COL7A1: variants seen among roughly 807,000 people sequenced by gnomAD.
The protein encoded by COL7A1 is collagen type VII alpha 1 chain.
In COL7A1, 296 loss-of-function variants were observed where a neutral mutation model predicts 456.2. The observed-to-expected ratio is 0.65, with a 90% CI of 0.59 to 0.71. The LOEUF (loss-of-function observed/expected upper bound fraction) is 0.71. Among genes scored for constraint, COL7A1 ranks in the 30% least tolerant of loss-of-function variants. COL7A1 has a pLI of 0.00. For synonymous variants in COL7A1, 1,464 were observed against 1,525.9 expected, an observed-to-expected ratio of 0.96 and a Z score of 0.95; for missense variants, 3,441 against 4,017.2, an observed-to-expected ratio of 0.86 and a Z score of 3.88.
At position 48,587,003 on chromosome 3, in the gene COL7A1, G is replaced by A. The variant is rs1490154309; in HGVS notation, c.3245C>T (p.Ala1082Val). Residue 1082 changes from alanine to valine, a missense_variant, in exon 25 of 119, where the codon GCA (alanine) becomes GTA (valine). Ala to Val is a moderately conservative substitution (Grantham distance 64). Coordinates refer to ENST00000681320, the MANE Select transcript of COL7A1 (RefSeq NM_000094.4). The surrounding 1 kb of genome is among the most constrained non-coding windows in gnomAD (Gnocchi z 6.1). ...TGCCTGTGGCCCAAGAGGCCCAAGT[G>A]CCAACACCAGACGCTCCAGGACCCT... ...TRRVLERLVLALGPLGPQAVQ... is the reference protein window; with the variant it reads ...TRRVLERLVLVLGPLGPQAVQ... 2 of 1,600,440 alleles carry A rather than the reference G, an allele frequency of 1.2e-6. No homozygotes were observed. Among genetic ancestry groups the A allele is most frequent in the South Asian group, 1.1e-5 (1 of 88,646 alleles).
Position 48,568,691 on chromosome 3 carries a change from A to G in COL7A1, c.7758+93T>C. On this transcript the variant is annotated intron_variant, in intron 104 of 118. Coordinates refer to ENST00000681320, the MANE Select transcript of COL7A1 (RefSeq NM_000094.4). The surrounding 1 kb of genome is among the most constrained non-coding windows in gnomAD (Gnocchi z 5.2). ...ATGGGGCCGGCAGCAAGGGAGCCAGAACCCCCAGCACTTAAGAGGACCCCC... is the reference window on the plus strand; with the variant it reads ...ATGGGGCCGGCAGCAAGGGAGCCAGGACCCCCAGCACTTAAGAGGACCCCC... 6.7e-7 allele frequency: 1 copy of G among 1,486,918 alleles called. No homozygotes were observed. The highest frequency in any genetic ancestry group is 1.2e-5 in the South Asian group (1 of 82,878). The allele number at this position is 1,486,918 out of a possible 1,614,324, so 92.1% of individuals were successfully genotyped here.
chr3:48,593,145 C>G lies in COL7A1; in HGVS notation c.639G>C (p.Arg213=). Residue 213 remains arginine (R), a synonymous_variant, in exon 6 of 119, where the codon CGG becomes CGC. Transcript: ENST00000681320. The surrounding 1 kb of genome is among the most constrained non-coding windows in gnomAD (Gnocchi z 4.4). ...CGCCACCAGCAGTCGTGCACACTCT[C>G]CGGGAAACGAGGGGCAGTAGTGTCC... is the stretch of plus-strand genomic sequence containing the variant. The part of the protein sequence containing the change: ...ILRTLLPLVS[R]RVCTTAGGVP... 1 of 1,614,122 alleles carries G rather than the reference C, an allele frequency of 6.2e-7. No individual in the cohort carries two copies. Among genetic ancestry groups the G allele is most frequent in the East Asian group, 2.2e-5 (1 of 44,876 alleles).
In COL7A1 at chr3:48,586,995, G is replaced by C; in HGVS notation, c.3253C>G (p.Pro1085Ala). The C allele has an allele frequency of 6.3e-7, 1 of 1,598,834 alleles. No individual in the cohort carries two copies. Among genetic ancestry groups the C allele is most frequent in the Non-Finnish European group, 8.5e-7 (1 of 1,172,964 alleles). ...VLERLVLALG[P>A]LGPQAVQVGL... The stretch of plus-strand genomic sequence containing the variant: ...ACCTGAACTGCCTGTGGCCCAAGAG[G>C]CCCAAGTGCCAACACCAGACGCTCC... The change falls in exon 25 of 119, where the codon CCT becomes GCT. Residue 1085 changes from proline (P) to alanine (A), a missense_variant. Physicochemically the swap from Pro to Ala is conservative, Grantham distance 27 (BLOSUM62 -1). This residue lies in a region of COL7A1 where 444 missense variants were observed against 427.6 expected (regional missense o/e 1.04). Coordinates refer to ENST00000681320, the MANE Select transcript of COL7A1 (RefSeq NM_000094.4). This position sits in a 1 kb window ranked among gnomAD's most constrained non-coding sequence, Gnocchi z 5.1.
In COL7A1 at chr3:48,589,589, C is replaced by G. The variant is rs371117425; in HGVS notation, c.2170+10G>C. The G allele has an allele frequency of 5.5e-5, 89 of 1,613,484 alleles. No individual in the cohort carries two copies. Among genetic ancestry groups the G allele is most frequent in the Non-Finnish European group, 7.2e-5 (85 of 1,180,002 alleles). ...CCCTGACCTGCCCCCTCCCAAACCC[C>G]AGTCCCCACCGTGGGCTGAGTGCCA... On this transcript the variant is annotated intron_variant, in intron 17 of 118. Coordinates refer to ENST00000681320, the MANE Select transcript of COL7A1 (RefSeq NM_000094.4).
intron 44 of COL7A1, among the ~76,000 whole-genome samples, 170 bp from the exon 45 acceptor site, chr3:48,582,823 G>A (rs1489428076): frequency 6.6e-6 from 1 of 152,118 alleles, no homozygotes; most frequent in Non-Finnish European, 1.5e-5. Context: ...GAAAATCAAG[G>A]TCAGTTCAGC....
At position 48,576,293 on chromosome 3, in the gene COL7A1, G is replaced by A; in HGVS notation, c.5776C>T (p.Leu1926Phe). ...GETGSKGEQG[L>F]PGERGLRGEP... Reference sequence around the variant, plus strand: ...CCTCGCAGGCCACGCTCTCCAGGGAGGCCCTGGAGAGATGAAGACAAACTG... The same window carrying A: ...CCTCGCAGGCCACGCTCTCCAGGGAAGCCCTGGAGAGATGAAGACAAACTG... Residue 1926 changes from leucine (L) to phenylalanine (F), a missense_variant, in exon 71 of 119, where the codon CTC becomes TTC. Physicochemically the swap from Leu to Phe is conservative, Grantham distance 22. This residue lies in a region of COL7A1 where 2,084 missense variants were observed against 2,501.3 expected (regional missense o/e 0.83). Coordinates refer to ENST00000681320, the MANE Select transcript of COL7A1 (RefSeq NM_000094.4). The A allele has an allele frequency of 6.2e-7, 1 of 1,613,866 alleles. No homozygotes were observed. Among genetic ancestry groups the A allele is most frequent in the African/African-American group, 1.3e-5 (1 of 75,052 alleles).
In COL7A1 at chr3:48,588,816, T is replaced by C. The variant is rs756448843; in HGVS notation, c.2441-28A>G. 6.2e-7 allele frequency: 1 copy of C among 1,613,538 alleles called. No homozygotes were observed. The highest frequency in any genetic ancestry group is 8.5e-7 in the Non-Finnish European group (1 of 1,180,014). ...GGCCAGGTGGGCATACAGCAATGGTTAGGGGTGAGCAGTCCCAGCCAGGAA... is the reference window on the plus strand; with the variant it reads ...GGCCAGGTGGGCATACAGCAATGGTCAGGGGTGAGCAGTCCCAGCCAGGAA... On this transcript the variant is annotated intron_variant, in intron 19 of 118. Transcript: ENST00000681320. This position sits in a 1 kb window ranked among gnomAD's most constrained non-coding sequence, Gnocchi z 4.6.
At position 48,573,028 on chromosome 3, in the gene COL7A1, C is replaced by T; in HGVS notation, c.6743G>A (p.Gly2248Glu). 1 of 1,614,100 alleles carries T rather than the reference C, an allele frequency of 6.2e-7. No homozygotes were observed. The highest frequency in any genetic ancestry group is 8.5e-7 in the Non-Finnish European group (1 of 1,180,014). Residue 2248 changes from glycine to glutamate, a missense_variant, in exon 86 of 119, where the codon GGA becomes GAA. Transcript: ENST00000681320. The surrounding 1 kb of genome is among the most constrained non-coding windows in gnomAD (Gnocchi z 5.5). Reference sequence around the variant, plus strand: ...TTGACCCCCAGAACTCACCACTTGTCCAGGCAAACCTGGAGACCCCTGTGG... The same window carrying T: ...TTGACCCCCAGAACTCACCACTTGTTCAGGCAAACCTGGAGACCCCTGTGG... ...VGPQGSPGLPGQVGETGKPGA... is the reference protein window; with the variant it reads ...VGPQGSPGLPEQVGETGKPGA...
Position 48,575,419 on chromosome 3 carries a change from C to T in COL7A1, c.6100G>A (p.Gly2034Arg), listed in dbSNP as rs121912844. Residue 2034 changes from glycine (G) to arginine (R), a missense_variant, in exon 74 of 119, where the codon GGG becomes AGG. Physicochemically the swap from Gly to Arg is moderately radical, Grantham distance 125. Transcript: ENST00000681320. This position sits in a 1 kb window ranked among gnomAD's most constrained non-coding sequence, Gnocchi z 6.3. ...GGAATACCAGGCTTTCCAGGCTCCC[C>T]GGCAAGGCCGGAAGGCCCGGGGGGG... is the stretch of plus-strand genomic sequence containing the variant. Reference protein sequence around the residue: ...RGPPGPSGLAGEPGKPGIPGL... With the variant: ...RGPPGPSGLAREPGKPGIPGL... The T allele has an allele frequency of 6.2e-7, 1 of 1,609,974 alleles. No individual in the cohort carries two copies.
Position 48,581,572 on chromosome 3 carries a change from C to A in COL7A1, c.4782+1G>T. 6 of 1,614,192 alleles carry A rather than the reference C, an allele frequency of 3.7e-6. No individual in the cohort carries two copies. The highest frequency in any genetic ancestry group is 5.1e-6 in the Non-Finnish European group (6 of 1,180,026). On this transcript the variant is annotated splice_donor_variant, in intron 50 of 118. Coordinates refer to ENST00000681320, the MANE Select transcript of COL7A1 (RefSeq NM_000094.4). LOFTEE classifies it high-confidence loss of function. This position sits in a 1 kb window ranked among gnomAD's most constrained non-coding sequence, Gnocchi z 5.8. ...CACTCCCCATTCCCACATTGATTCA[C>A]CCGGTCTCCAGGGTCTCCCTTGGGG...
Position 48,579,730 on chromosome 3 carries a change from C to T in COL7A1, c.5154+55G>A. ...AAGCCAAGCCATGCCCAAGGTAGAA[C>T]CTGCTGGGAGGGGCACTGGGGTCTT... On this transcript the variant is annotated intron_variant, in intron 58 of 118. Coordinates refer to ENST00000681320, the MANE Select transcript of COL7A1 (RefSeq NM_000094.4). This position sits in a 1 kb window ranked among gnomAD's most constrained non-coding sequence, Gnocchi z 4.4. The T allele has an allele frequency of 1.9e-6, 3 of 1,613,896 alleles. No individual in the cohort carries two copies. The highest frequency in any genetic ancestry group is 1.7e-6 in the Non-Finnish European group (2 of 1,179,998).
At position 48,565,444 on chromosome 3, in the gene COL7A1, C is replaced by T. The variant is rs1378746188; in HGVS notation, c.8493G>A (p.Val2831=). ...ADTAGSQLHA[V]PVLRVSHAEE... is the part of the protein sequence containing the mutation. ...CTGCATGAGAGACGCGGAGCACAGG[C>T]ACAGCATGGAGCTGGGAGCCGGCAG... The change falls in exon 116 of 119, where the codon GTG becomes GTA. Residue 2831 remains valine (V), a synonymous_variant. Coordinates refer to ENST00000681320, the MANE Select transcript of COL7A1 (RefSeq NM_000094.4). The surrounding 1 kb of genome is among the most constrained non-coding windows in gnomAD (Gnocchi z 4.5). 6.2e-7 allele frequency: 1 copy of T among 1,612,952 alleles called. No homozygotes were observed. The highest frequency in any genetic ancestry group is 2.2e-5 in the East Asian group (1 of 44,842).
rs950877774 is a variant in COL7A1 at position 48,565,247 on chromosome 3, GGGGCAAGGT to G, written c.8528-55_8528-47del. On this transcript the variant is annotated intron_variant, in intron 116 of 118. Transcript: ENST00000681320. This position sits in a 1 kb window ranked among gnomAD's most constrained non-coding sequence, Gnocchi z 4.5. ...GCTGGGAGCAGTGGCTGCTGGCCCC[GGGGCAAGGT>G]GGGCAGCACTGATTTCCACTGTGTG... 3 of 1,562,670 alleles carry G rather than the reference GGGGCAAGGT, an allele frequency of 1.9e-6. No homozygotes were observed. In the African/African-American group the frequency reaches 4.1e-5, roughly 21 times the overall value.
At position 48,589,312 on chromosome 3, in the gene COL7A1, C is replaced by T. The variant is rs144483183; in HGVS notation, c.2314+15G>A. ...CTAATGCGGTGTGGCTAGTAGCTGG[C>T]CAGGGTCCACTCACCAGTCCTCACA... On this transcript the variant is annotated intron_variant, in intron 18 of 118. Transcript: ENST00000681320. 47,758 of 1,611,772 alleles carry T rather than the reference C, an allele frequency of 0.03. 846 individuals are homozygous for T. Among genetic ancestry groups the T allele is most frequent in the Non-Finnish European group, 0.037 (43,295 of 1,179,928 alleles).
chr3:48,565,636 G>A lies in COL7A1; in HGVS notation c.8440C>T (p.Arg2814Ter), dbSNP rs143457874. 77 of 1,613,910 alleles carry A rather than the reference G, an allele frequency of 4.8e-5. No individual in the cohort carries two copies. Among genetic ancestry groups the A allele is most frequent in the Non-Finnish European group, 6.4e-5 (75 of 1,180,000 alleles). The change falls in exon 115 of 119, where the codon CGA becomes TGA. Residue 2814 changes from arginine (R) to a stop codon, truncating the protein, a stop_gained and splice_region_variant. Transcript: ENST00000681320. LOFTEE classifies it high-confidence loss of function. The surrounding 1 kb of genome is among the most constrained non-coding windows in gnomAD (Gnocchi z 4.5). ...GTTCTGGGAGTAGAAAACTACTCAC[G>A]TGATCCAGATGCGATGAACTGGCCC... Reference protein sequence around the residue: ...CQGQFIASGSRPLPSYAADTA... With the variant: ...CQGQFIASGS
Position 48,570,154 on chromosome 3 carries a change from C to G in COL7A1, c.7465G>C (p.Glu2489Gln). The change falls in exon 99 of 119, where the codon GAG (glutamate) becomes CAG (glutamine). Residue 2489 changes from glutamate (E) to glutamine (Q), a missense_variant. Transcript: ENST00000681320. This position sits in a 1 kb window ranked among gnomAD's most constrained non-coding sequence, Gnocchi z 5.5. ...CCCACCGTGAGTCCTCGGGGTCCCT[C>G]CTGGCCGGGGCGGCCATCTTCACCC... is the stretch of plus-strand genomic sequence containing the variant. ...IRGEDGRPGQ[E>Q]GPRGLTGPPG... The G allele has an allele frequency of 6.2e-7, 1 of 1,614,190 alleles. No individual in the cohort carries two copies. Among genetic ancestry groups the G allele is most frequent in the Non-Finnish European group, 8.5e-7 (1 of 1,180,026 alleles).
At position 48,570,120 on chromosome 3, in the gene COL7A1, C is replaced by T. The variant is rs770420738; in HGVS notation, c.7485+14G>A. On this transcript the variant is annotated intron_variant, in intron 99 of 118. Coordinates refer to ENST00000681320, the MANE Select transcript of COL7A1 (RefSeq NM_000094.4). The surrounding 1 kb of genome is among the most constrained non-coding windows in gnomAD (Gnocchi z 5.5). ...TGAAGTCACAGCACTGTCACTTTCC[C>T]CAGCGGGACCCACCGTGAGTCCTCG... 23 of 1,614,084 alleles carry T rather than the reference C, an allele frequency of 1.4e-5. No homozygotes were observed. Among genetic ancestry groups the T allele is most frequent in the Non-Finnish European group, 1.9e-5 (23 of 1,179,994 alleles).
chr3:48,583,661 C>A lies in COL7A1; in HGVS notation c.4342-46G>T. Reference sequence around the variant, plus strand: ...TGGGAAGACCGAAGGGAGGCCCTGCCCCCAGCACGCAGCCTCCCACCCCAG... The same window carrying A: ...TGGGAAGACCGAAGGGAGGCCCTGCACCCAGCACGCAGCCTCCCACCCCAG... On this transcript the variant is annotated intron_variant, in intron 40 of 118. Transcript: ENST00000681320. The surrounding 1 kb of genome is among the most constrained non-coding windows in gnomAD (Gnocchi z 5.1). The A allele has an allele frequency of 6.2e-7, 1 of 1,613,428 alleles. No homozygotes were observed. The highest frequency in any genetic ancestry group is 8.5e-7 in the Non-Finnish European group (1 of 1,179,438).
rs2045148935 is a variant in COL7A1 at position 48,585,140 on chromosome 3, C to A, written c.3895-24G>T. 2.5e-6 allele frequency: 4 copies of A among 1,608,272 alleles called. No individual in the cohort carries two copies. The African/African-American group carries it at 5.3e-5, about 22-fold the overall frequency. ...CCCTGAGGAGGTGAAGAGGTCAGGACAGGAAGGGACCCTCCCCCAAGGCCC... is the reference window on the plus strand; with the variant it reads ...CCCTGAGGAGGTGAAGAGGTCAGGAAAGGAAGGGACCCTCCCCCAAGGCCC... On this transcript the variant is annotated intron_variant, in intron 32 of 118. Transcript: ENST00000681320. The surrounding 1 kb of genome is among the most constrained non-coding windows in gnomAD (Gnocchi z 4.5).
Sources: allele counts gnomAD v4.1 joint callset (sites outside exome capture counted in the v4.1 genomes callset), GRCh38; gene constraint gnomAD v4.1.1; regional missense constraint gnomAD v4.1.1; non-coding constraint Gnocchi (gnomAD v3.1); transcripts MANE v1.5; gene names NCBI Gene and HGNC (gene_info 2026-07-23, HGNC 2026-07-21).